SAP130: variants seen among roughly 807,000 people sequenced by gnomAD.
SAP130 encodes histone deacetylase complex subunit SAP130.
A neutral mutation model predicts 103.2 loss-of-function variants in SAP130; 16 were observed. That is an observed-to-expected ratio of 0.16 (90% CI 0.10 to 0.24). The LOEUF (loss-of-function observed/expected upper bound fraction) is 0.24. Ranked by LOEUF, SAP130 falls within the 10% of genes least tolerant of loss-of-function variation. SAP130 has a pLI of 1.00. For synonymous variants in SAP130, 477 were observed against 497.0 expected (o/e 0.96, Z 0.53); for missense variants, 990 against 1,359.7 (o/e 0.73, Z 4.28).
At position 127,950,192 on chromosome 2, in the gene SAP130, T is replaced by C. The variant is rs1393908191; in HGVS notation, c.2639A>G (p.Glu880Gly). ...STAKSLLVKA[E>G]KRKSPPKEYI... Reference sequence around the variant, plus strand: ...CTCCTTGGGAGGAGACTTGCGCTTCTCAGCCTTCACCAGAAGACTCTTGGC... The same window carrying C: ...CTCCTTGGGAGGAGACTTGCGCTTCCCAGCCTTCACCAGAAGACTCTTGGC... Residue 880 changes from glutamate (E) to glycine (G), a missense_variant, in exon 17 of 21, where the codon GAG (glutamate) becomes GGG (glycine). Coordinates refer to ENST00000643581, the MANE Select transcript of SAP130 (RefSeq NM_001330301.2). The C allele has an allele frequency of 6.2e-7, 1 of 1,614,228 alleles. No homozygotes were observed.
chr2:127,943,010 TAAATA>T (rs1012432340), intron 19 of SAP130, among the ~76,000 whole-genome samples: 6 of 151,252 alleles, frequency 4.0e-5, no homozygotes, highest in Admixed American at 1.3e-4. Context: ...AATAAATAAA[TAAATA>T]AAATAAAAAC....
intron 12 of SAP130, among the ~76,000 whole-genome samples, chr2:127,990,939 A>AG (rs1682749855): frequency 5.6e-5 from 1 of 17,878 alleles, no homozygotes; most frequent in African/African-American, 1.0e-4. Context: ...AGACTGTCTC[A>AG]AAAAAAAAAA....
At chr2:127,992,086 C>G (rs970902026) in intron 12 of SAP130, among the ~76,000 whole-genome samples, 3 of 151,420 alleles carry the variant, frequency 2.0e-5, no homozygotes, top group Non-Finnish European at 4.4e-5. Context: ...ATCCTCCCAC[C>G]TTAGCTTCCT....
In SAP130 at chr2:128,027,502, C is replaced by G. The variant is rs1218209875; in HGVS notation, c.-7+438G>C. ...AATGGCAGAGGAAGACAGGCGCCCC[C>G]GGCGAAGGGGGCGGGGAGCGGGGAG... On this transcript the variant is annotated intron_variant, in intron 1 of 20. Transcript: ENST00000643581. 3.7e-4 allele frequency among the ~76,000 whole-genome samples: 56 copies of G among 152,048 alleles called. 1 individual carries two copies. Among genetic ancestry groups the G allele is most frequent in the Admixed American group, 3.6e-3 (55 of 15,282 alleles).
rs375889908 is a variant in SAP130, at chr2:127,942,053, C to T, written c.3127G>A (p.Gly1043Arg). Residue 1043 changes from glycine (G) to arginine (R), a missense_variant, in exon 21 of 21, where the codon GGG (glycine) becomes AGG (arginine). Physicochemically the swap from Gly to Arg is moderately radical, Grantham distance 125. This residue lies in a region of SAP130 where 69 missense variants were observed against 165.7 expected (regional missense o/e 0.42). Coordinates refer to ENST00000643581, the MANE Select transcript of SAP130 (RefSeq NM_001330301.2). The surrounding 1 kb of genome is among the most constrained non-coding windows in gnomAD (Gnocchi z 4.8). ...DRVLKLLNKN[G>R]TVKKVSKLKR... Reference sequence around the variant, plus strand: ...AATTTGGACACTTTTTTGACAGTCCCGTTCTTGTTAAGCAGCTTCAGGACA... The same window carrying T: ...AATTTGGACACTTTTTTGACAGTCCTGTTCTTGTTAAGCAGCTTCAGGACA... The T allele has an allele frequency of 1.7e-5, 27 of 1,609,576 alleles. No homozygotes were observed. Among genetic ancestry groups the T allele is most frequent in the Non-Finnish European group, 2.1e-5 (25 of 1,179,040 alleles).
At position 128,026,214 on chromosome 2, in the gene SAP130, C is replaced by G; in HGVS notation, c.79G>C (p.Gly27Arg). The change falls in exon 2 of 21, where the codon GGT becomes CGT. Residue 27 changes from glycine (G) to arginine (R), a missense_variant. This residue lies in a region of SAP130 where 167 missense variants were observed against 187.4 expected (regional missense o/e 0.89). Transcript: ENST00000643581. ...GCTGGGTTTATCAATCCAGCAGAAC[C>G]ACTGTTTGCAATCTGAGAAGGGGCC... is the stretch of plus-strand genomic sequence containing the variant. ...SQAPSQIANS[G>R]SAGLINPAAT... The G allele has an allele frequency of 6.2e-7, 1 of 1,613,942 alleles. No individual in the cohort carries two copies. The highest frequency in any genetic ancestry group is 8.5e-7 in the Non-Finnish European group (1 of 1,179,888).
intron 15 of SAP130, among the ~76,000 whole-genome samples, chr2:127,966,891 T>A (rs1047258482): frequency 2.6e-5 from 4 of 152,322 alleles, no homozygotes; most frequent in Non-Finnish European, 5.9e-5. Flanking sequence ...GGGATTACAA[T>A]CAACATTCTA....
At chr2:127,984,361 G>A (rs936953311) in intron 14 of SAP130, among the ~76,000 whole-genome samples, 1 of 152,164 alleles carries the variant, frequency 6.6e-6, no homozygotes, top group African/African-American at 2.4e-5. Context: ...ATCTTCCAAG[G>A]TGCTTTGGGC....
rs372115768 is a variant in SAP130 at position 127,951,624 on chromosome 2, T to C, written c.2423-1216A>G. 2.4e-4 allele frequency among the ~76,000 whole-genome samples: 37 copies of C among 152,300 alleles called. 2 individuals are homozygous for C. In the East Asian group the frequency reaches 7.0e-3, roughly 29 times the overall value. ...AACCCTATAATCACTGTATTCCTTT[T>C]CTTCCTTCATTGTCCCTTCCTTTTC... is the stretch of plus-strand genomic sequence containing the variant. On this transcript the variant is annotated intron_variant, in intron 16 of 20. Coordinates refer to ENST00000643581, the MANE Select transcript of SAP130 (RefSeq NM_001330301.2).
chr2:128,025,752 A>G (rs6706800), intron 2 of SAP130, among the ~76,000 whole-genome samples: 44,365 of 152,068 alleles, frequency 0.29, 7,357 homozygotes, highest in African/African-American at 0.47. Flanking sequence ...TTTGGTATCT[A>G]AGGTGGGTCC....
intron 11 of SAP130, 84 bp from the exon 12 acceptor site, chr2:127,993,392 T>C (rs1388896178): frequency 1.5e-5 from 22 of 1,428,404 alleles, no homozygotes; most frequent in Non-Finnish European, 1.9e-5. Context: ...TTCCTCTTTG[T>C]GTCCTTCAGA....
At chr2:127,970,541 TAAAAAAAA>T (rs70985493) in intron 15 of SAP130, among the ~76,000 whole-genome samples, 7 of 80,012 alleles carry the variant, frequency 8.7e-5, no homozygotes, top group Admixed American at 1.8e-4. Context: ...GACTCTGTCT[TAAAAAAAA>T]AAAAAAAAAA....
intron 19 of SAP130, among the ~76,000 whole-genome samples, chr2:127,943,256 A>G (rs1206438974): frequency 2.6e-5 from 4 of 152,124 alleles, no homozygotes; most frequent in Admixed American, 2.0e-4. Context: ...AAGAGGAAAA[A>G]CTTTATGAGG....
chr2:127,970,881 A>G (rs750644476), intron 15 of SAP130, among the ~76,000 whole-genome samples: 2 of 152,238 alleles, frequency 1.3e-5, no homozygotes, highest in East Asian at 1.9e-4. Flanking sequence ...AGTCACTGAC[A>G]TGACATGATA....
rs534547254 is a variant in SAP130, at chr2:127,963,694, G to A, written c.2064-8350C>T. ...TGGGAGATGACTGAATCACGGGGGC[G>A]GGTCTTTCTTGTGCTGTTCTCGTGA... On this transcript the variant is annotated intron_variant, in intron 15 of 20. Coordinates refer to ENST00000643581, the MANE Select transcript of SAP130 (RefSeq NM_001330301.2). 5.0e-4 allele frequency among the ~76,000 whole-genome samples: 76 copies of A among 152,238 alleles called. 1 individual carries two copies. Among genetic ancestry groups the A allele is most frequent in the African/African-American group, 1.4e-3 (58 of 41,550 alleles).
chr2:127,958,651 AGAGAGAGAGAG>A (rs1365902282), intron 15 of SAP130, among the ~76,000 whole-genome samples: 3 of 132,280 alleles, frequency 2.3e-5, no homozygotes, highest in African/African-American at 6.5e-5. Flanking sequence ...AGAGAGAGAG[AGAGAGAGAGAG>A]AGAGAGAGAG....
At chr2:127,991,052 C>T (rs986663660) in intron 12 of SAP130, among the ~76,000 whole-genome samples, 1 of 151,710 alleles carries the variant, frequency 6.6e-6, no homozygotes. Flanking sequence ...GAGTTCAAAA[C>T]CAGCCTGGTC....
chr2:127,950,094 A>T, intron 17 of SAP130, 66 bp downstream of exon 17: 1 of 1,609,434 alleles, frequency 6.2e-7, no homozygotes, highest in Non-Finnish European at 8.5e-7. Flanking sequence ...CTATGTAACG[A>T]GCCTCTGGGT....
chr2:128,027,101 C>T, intron 1 of SAP130: 1 of 1,417,188 alleles, frequency 7.1e-7, no homozygotes, highest in Admixed American at 2.4e-5. Context: ...CCTGTAGCCG[C>T]CGCCCGCCGC....
Sources: gnomAD v4.1 joint callset for allele counts (sites outside exome capture counted in the v4.1 genomes callset) on GRCh38, gnomAD v4.1.1 for gene constraint, gnomAD v4.1.1 regional missense constraint, Gnocchi (gnomAD v3.1) non-coding constraint, MANE v1.5 for transcripts, NCBI Gene and HGNC (gene_info 2026-07-23, HGNC 2026-07-21) for gene names.